The following PHACTR1 variants were observed in gnomAD, a reference collection of about 807,000 sequenced individuals.
PHACTR1 encodes phosphatase and actin regulator 1.
Under a neutral mutation model 69.2 loss-of-function variants are expected in PHACTR1, and 16 were observed. That is an observed-to-expected ratio of 0.23 (90% CI 0.16 to 0.35). The LOEUF is 0.35. Among genes scored for constraint, PHACTR1 ranks in the 10% least tolerant of loss-of-function variants. The probability of loss-of-function intolerance (pLI) is 1.00; values close to 1 mark genes in which losing one functional copy is unlikely to be tolerated. For synonymous variants in PHACTR1, 312 were observed against 284.5 expected (o/e 1.10, Z -0.97); for missense variants, 510 against 734.7 (o/e 0.69, Z 3.54).
Position 13,182,498 on chromosome 6 carries a change from A to C in PHACTR1, c.497-21A>C, listed in dbSNP as rs568891010. ...AAGGCAGACATTGTCTAACTCTGCA[A>C]TCTCCTTTTCTCTCTGACAGATGGG... On this transcript the variant is annotated intron_variant, in intron 6 of 14. Coordinates refer to ENST00000332995, the MANE Select transcript of PHACTR1 (RefSeq NM_030948.6). 2.5e-6 allele frequency: 4 copies of C among 1,612,308 alleles called. No homozygotes were observed. The African/African-American group carries it at 5.3e-5, about 22-fold the overall frequency.
At chr6:13,281,937 C>T (rs1363959512) in intron 12 of PHACTR1, among the ~76,000 whole-genome samples, 2 of 152,230 alleles carry the variant, frequency 1.3e-5, no homozygotes, top group African/African-American at 4.8e-5. Flanking sequence ...AGCCCCTGAT[C>T]CCCAGAGCTT....
chr6:12,943,362 G>A (rs573660659), intron 4 of PHACTR1, among the ~76,000 whole-genome samples: 1 of 152,324 alleles, frequency 6.6e-6, no homozygotes, highest in African/African-American at 2.4e-5. Flanking sequence ...GAAAATGGGA[G>A]AATGAGGTAT....
At chr6:12,935,414 T>C (rs1245038547) in intron 4 of PHACTR1, among the ~76,000 whole-genome samples, 1 of 152,034 alleles carries the variant, frequency 6.6e-6, no homozygotes, top group East Asian at 1.9e-4. Context: ...CAGCTAATTT[T>C]TGTATTTTTA....
At chr6:12,741,591 TTC>T (rs2127585767) in intron 3 of PHACTR1, among the ~76,000 whole-genome samples, 1 of 152,268 alleles carries the variant, frequency 6.6e-6, no homozygotes, top group African/African-American at 2.4e-5. Flanking sequence ...TGTTTGTAGA[TTC>T]TGTATGCTTT....
chr6:12,850,495 C>T (rs1779725769), intron 4 of PHACTR1, among the ~76,000 whole-genome samples: 1 of 152,200 alleles, frequency 6.6e-6, no homozygotes. Context: ...TTTGTTCTCA[C>T]TTTAGCAGAA....
chr6:12,896,158 T>G (rs1327908868), intron 4 of PHACTR1, among the ~76,000 whole-genome samples: 1 of 152,158 alleles, frequency 6.6e-6, no homozygotes, highest in African/African-American at 2.4e-5. Flanking sequence ...CACAATGACT[T>G]TATGTACGTC....
At chr6:12,810,205 A>G (rs1004371219) in intron 4 of PHACTR1, among the ~76,000 whole-genome samples, 1 of 152,234 alleles carries the variant, frequency 6.6e-6, no homozygotes, top group Non-Finnish European at 1.5e-5. Flanking sequence ...TACACATTTC[A>G]AAGTTAGGTA....
chr6:12,942,991 A>G (rs1032065403), intron 4 of PHACTR1, among the ~76,000 whole-genome samples: 17 of 152,348 alleles, frequency 1.1e-4, no homozygotes, highest in Admixed American at 1.1e-3. Context: ...GAATTACCAT[A>G]TGACCCAGCA....
intron 5 of PHACTR1, among the ~76,000 whole-genome samples, chr6:13,096,962 A>G (rs74641777): frequency 0.013 from 1,996 of 152,362 alleles, 44 homozygotes; most frequent in African/African-American, 0.045. Context: ...GCAGCATAGT[A>G]TAAGTTTTTA....
At chr6:13,045,528 T>G (rs372842655) in intron 4 of PHACTR1, among the ~76,000 whole-genome samples, 3 of 152,232 alleles carry the variant, frequency 2.0e-5, no homozygotes, top group African/African-American at 2.4e-5. Context: ...TACAGTGGCC[T>G]ACGATTCCAA....
chr6:13,205,676 G>A (rs1320993949), intron 7 of PHACTR1, 139 bp from the exon 8 acceptor site: 16 of 748,818 alleles, frequency 2.1e-5, no homozygotes, highest in Non-Finnish European at 3.2e-5. Flanking sequence ...CACTCATCAC[G>A]CTGGTGCCTC....
intron 7 of PHACTR1, among the ~76,000 whole-genome samples, chr6:13,201,983 T>C (rs1150595): frequency 0.31 from 46,677 of 152,164 alleles, 7,991 homozygotes; most frequent in African/African-American, 0.42. Context: ...TTAAATGATT[T>C]GCTTTTATTC....
chr6:13,012,833 G>A (rs1799595590), intron 4 of PHACTR1, among the ~76,000 whole-genome samples: 1 of 152,212 alleles, frequency 6.6e-6, no homozygotes, highest in Admixed American at 6.5e-5. Context: ...TTTTAATAAG[G>A]CAAATCCATG....
At position 13,281,991 on chromosome 6, in the gene PHACTR1, G is replaced by A. The variant is rs201820142; in HGVS notation, c.1510-1431G>A. On this transcript the variant is annotated intron_variant, in intron 12 of 14. Coordinates refer to ENST00000332995, the MANE Select transcript of PHACTR1 (RefSeq NM_030948.6). Reference sequence around the variant, plus strand: ...GGAGCTGTAGGCCTGCCTTGGCCCTGTCCGGGGTGTGCCACCACTCTATTT... The same window carrying A: ...GGAGCTGTAGGCCTGCCTTGGCCCTATCCGGGGTGTGCCACCACTCTATTT... 1.1e-4 allele frequency among the ~76,000 whole-genome samples: 16 copies of A among 152,348 alleles called. No individual in the cohort carries two copies. The East Asian group carries it at 3.1e-3, about 29-fold the overall frequency.
At chr6:12,958,177 C>T (rs953983144) in intron 4 of PHACTR1, 12 of 406,822 alleles carry the variant, frequency 2.9e-5, no homozygotes, top group Non-Finnish European at 4.0e-5. Flanking sequence ...GTTTTGAAAT[C>T]CTCGGGCCGG....
chr6:13,286,093 G>GT (rs1781643986), intron 13 of PHACTR1, 53 bp from the exon 14 acceptor site: 3 of 1,478,238 alleles, frequency 2.0e-6, no homozygotes, highest in African/African-American at 1.4e-5. Context: ...TGAAAGGGGA[G>GT]TTTTTTTCTG....
intron 10 of PHACTR1, among the ~76,000 whole-genome samples, chr6:13,250,563 A>G (rs1239130147): frequency 6.6e-6 from 1 of 152,254 alleles, no homozygotes; most frequent in Non-Finnish European, 1.5e-5. Flanking sequence ...CTGTGCAGAC[A>G]GACTGAGAGA....
intron 8 of PHACTR1, among the ~76,000 whole-genome samples, chr6:13,223,060 A>T (rs1421956848): frequency 2.6e-5 from 4 of 152,242 alleles, no homozygotes; most frequent in Non-Finnish European, 4.4e-5. Context: ...AACATGTTAT[A>T]AACCTATATG....
chr6:13,190,982 T>C (rs1240671883), intron 7 of PHACTR1, among the ~76,000 whole-genome samples: 1 of 152,206 alleles, frequency 6.6e-6, no homozygotes, highest in Non-Finnish European at 1.5e-5. Flanking sequence ...GTTATAGCTA[T>C]CTCTCTAGTT....
Sources: allele counts gnomAD v4.1 joint callset (sites outside exome capture counted in the v4.1 genomes callset), GRCh38; gene constraint gnomAD v4.1.1; transcripts MANE v1.5; gene names NCBI Gene and HGNC (gene_info 2026-07-23, HGNC 2026-07-21).